The following IL1RAPL2 variants were observed in gnomAD, a reference collection of about 807,000 sequenced individuals.
IL1RAPL2 encodes X-linked interleukin-1 receptor accessory protein-like 2.
Under a neutral mutation model 44.1 loss-of-function variants are expected in IL1RAPL2, and 3 were observed. The ratio of observed to expected loss-of-function variants is 0.07; its 90% CI spans 0.03 to 0.18. The LOEUF (loss-of-function observed/expected upper bound fraction) is 0.18, where lower values mean the gene tolerates loss of function less well. IL1RAPL2 is among the 10% of genes least tolerant of loss of function. IL1RAPL2 has a pLI of 1.00. For missense variants in IL1RAPL2, 391 were observed against 496.4 expected (o/e 0.79, Z 2.02); for synonymous variants, 181 against 178.8 (o/e 1.01, Z -0.10).
intron 5 of IL1RAPL2, among the ~76,000 whole-genome samples, chrX:105,384,729 C>T (rs1429292998): frequency 1.8e-5 from 2 of 111,223 alleles, no homozygotes; most frequent in African/African-American, 6.5e-5. Flanking sequence ...ATTCATTCCT[C>T]TAATCCATGA....
At chrX:105,263,137 G>A (rs1004297905) in intron 4 of IL1RAPL2, among the ~76,000 whole-genome samples, 1 of 110,342 alleles carries the variant, frequency 9.1e-6, no homozygotes, top group East Asian at 2.9e-4. Flanking sequence ...CACCCGCCTC[G>A]GCCTCCCAAA....
At chrX:105,445,043 A>T (rs1187641974) in intron 5 of IL1RAPL2, among the ~76,000 whole-genome samples, 2 of 111,352 alleles carry the variant, frequency 1.8e-5, no homozygotes, top group Non-Finnish European at 3.8e-5. Context: ...TTTCTGGGAG[A>T]CTTTCTATTA....
chrX:105,186,081 C>T (rs1465224862), intron 2 of IL1RAPL2, among the ~76,000 whole-genome samples: 3 of 111,535 alleles, frequency 2.7e-5, no homozygotes, highest in Non-Finnish European at 3.8e-5. Flanking sequence ...TGAAACGATG[C>T]GTGTAGGTCA....
intron 2 of IL1RAPL2, among the ~76,000 whole-genome samples, chrX:104,884,926 G>C (rs1300322703): frequency 1.8e-5 from 2 of 110,968 alleles, no homozygotes; most frequent in African/African-American, 6.6e-5. Flanking sequence ...AAAACCCCCA[G>C]GCTATCGGTT....
At chrX:104,919,135 A>G (rs940811369) in intron 2 of IL1RAPL2, among the ~76,000 whole-genome samples, 1 of 111,468 alleles carries the variant, frequency 9.0e-6, no homozygotes, top group African/African-American at 3.3e-5. Context: ...GATACACAGC[A>G]TAGGATACTA....
intron 2 of IL1RAPL2, among the ~76,000 whole-genome samples, chrX:105,113,381 G>A (rs2032821428): frequency 8.9e-6 from 1 of 112,314 alleles, no homozygotes; most frequent in African/African-American, 3.2e-5. Flanking sequence ...ATGAGATCTT[G>A]GGTGTCCTTC....
intron 1 of IL1RAPL2, among the ~76,000 whole-genome samples, chrX:104,585,271 TTATA>T (rs1464251330): frequency 1.7e-4 from 3 of 17,912 alleles, no homozygotes; most frequent in African/African-American, 1.3e-3. Flanking sequence ...ATATAATATA[TTATA>T]TATATTATAT....
intron 2 of IL1RAPL2, among the ~76,000 whole-genome samples, chrX:105,033,415 C>T (rs990987296): frequency 9.0e-5 from 10 of 111,175 alleles, no homozygotes; most frequent in Non-Finnish European, 1.9e-4. Context: ...TTAGGGCAGG[C>T]CTGGTGGTGA....
chrX:105,003,609 A>T (rs1359534968), intron 2 of IL1RAPL2, among the ~76,000 whole-genome samples: 1 of 110,936 alleles, frequency 9.0e-6, no homozygotes, highest in African/African-American at 3.3e-5. Flanking sequence ...ATTTCTCTGG[A>T]GCAAGTTTCT....
chrX:105,361,647 G>T (rs1168948915), intron 5 of IL1RAPL2, among the ~76,000 whole-genome samples: 1 of 111,087 alleles, frequency 9.0e-6, no homozygotes, highest in Non-Finnish European at 1.9e-5. Flanking sequence ...TGGAAACTGA[G>T]ATAATAGACT....
At chrX:105,288,410 G>GAA (rs60431670) in intron 5 of IL1RAPL2, among the ~76,000 whole-genome samples, 1,464 of 99,391 alleles carry the variant, frequency 0.015, 14 homozygotes, top group Admixed American at 0.042. Context: ...ATCTACTTTT[G>GAA]AAAAAAAAAA....
intron 2 of IL1RAPL2, among the ~76,000 whole-genome samples, chrX:104,707,266 A>T (rs1048058092): frequency 2.3e-4 from 25 of 111,067 alleles, no homozygotes; most frequent in African/African-American, 7.5e-4. Context: ...TTTTTAGCCT[A>T]CTCTTTTGGG....
chrX:104,824,281 C>G (rs1434204887), intron 2 of IL1RAPL2, among the ~76,000 whole-genome samples: 3 of 111,816 alleles, frequency 2.7e-5, no homozygotes, highest in African/African-American at 9.8e-5. Flanking sequence ...CTGCTGGATT[C>G]AGTTTGCCAG....
At chrX:104,793,681 G>C (rs922368261) in intron 2 of IL1RAPL2, among the ~76,000 whole-genome samples, 1 of 111,753 alleles carries the variant, frequency 8.9e-6, no homozygotes, top group Non-Finnish European at 1.9e-5. Flanking sequence ...TATTAGATCA[G>C]TGGGTTTCTA....
intron 2 of IL1RAPL2, among the ~76,000 whole-genome samples, chrX:105,181,759 T>C (rs1556130965): frequency 2.7e-5 from 3 of 111,465 alleles, no homozygotes; most frequent in Non-Finnish European, 5.6e-5. Context: ...GAATTTTCAA[T>C]GTGATGATAA....
chrX:105,251,293 T>TA (rs745622604), intron 4 of IL1RAPL2, among the ~76,000 whole-genome samples: 141 of 99,467 alleles, frequency 1.4e-3, no homozygotes, highest in Middle Eastern at 5.1e-3. Context: ...ACTTGCTTGC[T>TA]AAAAAAAAAA....
chrX:105,194,557 T>C (rs922558499), intron 2 of IL1RAPL2, among the ~76,000 whole-genome samples: 1 of 112,045 alleles, frequency 8.9e-6, no homozygotes, highest in African/African-American at 3.2e-5. Flanking sequence ...CTTTCTTTAA[T>C]GGTAGATTTG....
At chrX:104,708,013 G>T (rs1010806054) in intron 2 of IL1RAPL2, among the ~76,000 whole-genome samples, 7 of 111,828 alleles carry the variant, frequency 6.3e-5, no homozygotes, top group African/African-American at 2.3e-4. Flanking sequence ...AAGGAGAGGA[G>T]TGTGGCAGGT....
At chrX:105,406,916 G>T in intron 5 of IL1RAPL2, 1 of 1,143,065 alleles carries the variant, frequency 8.7e-7, no homozygotes, top group Non-Finnish European at 1.2e-6. Context: ...ACTCTGGCAG[G>T]AACTGATTTA....
Sources: gnomAD v4.1 joint callset for allele counts (sites outside exome capture counted in the v4.1 genomes callset) on GRCh38, gnomAD v4.1.1 for gene constraint, MANE v1.5 for transcripts, NCBI Gene and HGNC (gene_info 2026-07-23, HGNC 2026-07-21) for gene names.